The following GLIS3 variants were observed in gnomAD, a reference collection of about 807,000 sequenced individuals.
The protein encoded by GLIS3 is zinc finger protein GLIS3.
GLIS3 carries 53 observed loss-of-function variants against 78.6 expected under a neutral mutation model. The observed-to-expected ratio is 0.67, with a 90% CI of 0.54 to 0.85. The LOEUF (loss-of-function observed/expected upper bound fraction) is 0.85, where lower values mean the gene tolerates loss of function less well. Among genes scored for constraint, GLIS3 ranks in the 40% least tolerant of loss-of-function variants. The pLI is 0.00. For missense variants in GLIS3, 1,703 were observed against 1,231.1 expected (o/e 1.38, Z -5.74); for synonymous variants, 684 against 509.9 (o/e 1.34, Z -4.60).
At chr9:4,480,243 T>TG in the GLIS3 span, among the ~76,000 whole-genome samples, 1 of 147,364 alleles carries the variant, frequency 6.8e-6, no homozygotes, top group African/African-American at 2.6e-5. Flanking sequence ...CTCACTGTGT[T>TG]GCCCAGGCTG....
At chr9:4,420,397 G>C in the GLIS3 span, among the ~76,000 whole-genome samples, 1 of 152,132 alleles carries the variant, frequency 6.6e-6, no homozygotes, top group Admixed American at 6.6e-5. Flanking sequence ...CGAGAAGAAG[G>C]ATAATTAGAT....
intron 4 of GLIS3, among the ~76,000 whole-genome samples, chr9:4,029,577 C>G (rs1286585657): frequency 6.6e-6 from 1 of 151,958 alleles, no homozygotes; most frequent in Non-Finnish European, 1.5e-5. Context: ...CACTAACCAT[C>G]CCTGCCTGTC....
At chr9:3,881,926 A>T (rs897119854) in intron 7 of GLIS3, among the ~76,000 whole-genome samples, 1 of 152,234 alleles carries the variant, frequency 6.6e-6, no homozygotes, top group Non-Finnish European at 1.5e-5. Context: ...TGGCCAAACC[A>T]GACAACTGAC....
intron 4 of GLIS3, among the ~76,000 whole-genome samples, chr9:4,009,524 T>G (rs773714597): frequency 1.3e-5 from 2 of 152,086 alleles, no homozygotes; most frequent in Non-Finnish European, 2.9e-5. Flanking sequence ...ACCAGTTTCG[T>G]GCTGGGGACT....
At chr9:4,428,820 C>T in the GLIS3 span, among the ~76,000 whole-genome samples, 1 of 152,132 alleles carries the variant, frequency 6.6e-6, no homozygotes, top group Admixed American at 6.6e-5. Flanking sequence ...AAAGGGAAAT[C>T]ATTCCTGCCT....
At chr9:4,275,900 C>G (rs1478462471) in intron 2 of GLIS3, among the ~76,000 whole-genome samples, 1 of 152,176 alleles carries the variant, frequency 6.6e-6, no homozygotes, top group Non-Finnish European at 1.5e-5. Flanking sequence ...TGCCTTTAAT[C>G]AAATCACATG....
At chr9:4,411,026 A>G in the GLIS3 span, among the ~76,000 whole-genome samples, 2 of 152,254 alleles carry the variant, frequency 1.3e-5, no homozygotes, top group Admixed American at 6.5e-5. Context: ...TGTAAGAACC[A>G]AAACAAGTAT....
chr9:4,247,246 A>G (rs1289114543), intron 2 of GLIS3, among the ~76,000 whole-genome samples: 1 of 152,218 alleles, frequency 6.6e-6, no homozygotes, highest in African/African-American at 2.4e-5. Flanking sequence ...AGACTCATCA[A>G]GCAGTTGTTT....
At chr9:4,384,165 C>A in the GLIS3 span, among the ~76,000 whole-genome samples, 1 of 152,182 alleles carries the variant, frequency 6.6e-6, no homozygotes, top group African/African-American at 2.4e-5. Context: ...GAGGTGTACA[C>A]GTTTTCCTCC....
chr9:4,032,606 G>A (rs964882219), intron 4 of GLIS3, among the ~76,000 whole-genome samples: 1 of 152,094 alleles, frequency 6.6e-6, no homozygotes, highest in African/African-American at 2.4e-5. Context: ...TTTCTAATGT[G>A]CAACAAGGAA....
intron 2 of GLIS3, among the ~76,000 whole-genome samples, chr9:4,210,312 C>G (rs1012514283): frequency 6.6e-6 from 1 of 152,200 alleles, no homozygotes; most frequent in South Asian, 2.1e-4. Flanking sequence ...AAGTAACCAT[C>G]AGATTATCAT....
At chr9:4,060,998 C>T (rs942028823) in intron 4 of GLIS3, among the ~76,000 whole-genome samples, 3 of 152,106 alleles carry the variant, frequency 2.0e-5, no homozygotes, top group African/African-American at 7.2e-5. Flanking sequence ...TGCATGCTTC[C>T]AATACCCCGT....
At chr9:4,013,925 T>C (rs549812478) in intron 4 of GLIS3, among the ~76,000 whole-genome samples, 1 of 152,330 alleles carries the variant, frequency 6.6e-6, no homozygotes, top group African/African-American at 2.4e-5. Flanking sequence ...GGGCAGGTTG[T>C]ATTTCAGCAC....
intron 1 of GLIS3, among the ~76,000 whole-genome samples, chr9:4,299,104 A>G (rs1816880995): frequency 6.6e-6 from 1 of 151,636 alleles, no homozygotes; most frequent in South Asian, 2.1e-4. Flanking sequence ...AAACACAAAA[A>G]CTGTTCCGAA....
chr9:4,157,305 G>A (rs1181662605), intron 2 of GLIS3, among the ~76,000 whole-genome samples: 2 of 152,092 alleles, frequency 1.3e-5, no homozygotes, highest in African/African-American at 4.8e-5. Flanking sequence ...AAATTGGTGT[G>A]ACTTACAGTG....
At chr9:4,025,538 C>A (rs537611477) in intron 4 of GLIS3, among the ~76,000 whole-genome samples, 1 of 152,076 alleles carries the variant, frequency 6.6e-6, no homozygotes, top group Admixed American at 6.5e-5. Flanking sequence ...CAGGCACCCA[C>A]CACCATGCCT....
At chr9:3,848,780 C>T (rs1819222721) in intron 9 of GLIS3, among the ~76,000 whole-genome samples, 1 of 152,178 alleles carries the variant, frequency 6.6e-6, no homozygotes, top group South Asian at 2.1e-4. Context: ...GTGTTTTGTT[C>T]TTGGAGTCCT....
intron 4 of GLIS3, among the ~76,000 whole-genome samples, chr9:4,106,515 A>G (rs958372714): frequency 6.6e-6 from 1 of 152,170 alleles, no homozygotes; most frequent in African/African-American, 2.4e-5. Flanking sequence ...GACATATTAT[A>G]AAGAGCCAGG....
chr9:4,369,612 T>G, the GLIS3 span, among the ~76,000 whole-genome samples: 1 of 152,100 alleles, frequency 6.6e-6, no homozygotes, highest in East Asian at 1.9e-4. Flanking sequence ...TGTAGGCCCT[T>G]GTGCAAGCAG....
Sources: allele counts gnomAD v4.1 joint callset (sites outside exome capture counted in the v4.1 genomes callset), GRCh38; gene constraint gnomAD v4.1.1; transcripts MANE v1.5; gene names NCBI Gene and HGNC (gene_info 2026-07-23, HGNC 2026-07-21).